The following TULP4 variants were observed in gnomAD, a reference collection of about 807,000 sequenced individuals.
TULP4 encodes TUB like protein 4.
A neutral mutation model predicts 129.0 loss-of-function variants in TULP4; 16 were observed. The observed-to-expected ratio is 0.12, with a 90% CI of 0.08 to 0.19. The LOEUF (loss-of-function observed/expected upper bound fraction) is 0.19. Ranked by LOEUF, TULP4 falls within the 10% of genes least tolerant of loss-of-function variation. TULP4 has a pLI of 1.00. For missense variants in TULP4, 1,842 were observed against 2,059.1 expected, an observed-to-expected ratio of 0.89 and a Z score of 2.04; for synonymous variants, 998 against 854.0, an observed-to-expected ratio of 1.17 and a Z score of -2.94.
upstream of TULP4, among the ~76,000 whole-genome samples, chr6:158,310,890 A>C (rs191856729): frequency 8.9e-4 from 136 of 152,322 alleles, no homozygotes; most frequent in African/African-American, 3.2e-3. Flanking sequence ...CCATGTACTC[A>C]AGGGCTGATA....
At chr6:158,460,492 G>A (rs889459055) in intron 5 of TULP4, among the ~76,000 whole-genome samples, 5 of 152,124 alleles carry the variant, frequency 3.3e-5, no homozygotes, top group Non-Finnish European at 7.4e-5. Flanking sequence ...AATACTAATG[G>A]CTTTTGTTTT....
chr6:158,310,820 AG>A (rs1249869105), upstream of TULP4, among the ~76,000 whole-genome samples: 1 of 152,238 alleles, frequency 6.6e-6, no homozygotes, highest in Non-Finnish European at 1.5e-5. Flanking sequence ...ATGGTGCTTC[AG>A]TAGTCCACAG....
chr6:158,269,093 A>C (rs1490234007), intron 1 of TULP4, among the ~76,000 whole-genome samples: 1 of 152,278 alleles, frequency 6.6e-6, no homozygotes, highest in East Asian at 1.9e-4. Flanking sequence ...TGGGTTTGCC[A>C]TTTATTATTT....
At chr6:158,467,946 G>A (rs1457423775) in intron 6 of TULP4, among the ~76,000 whole-genome samples, 1 of 152,188 alleles carries the variant, frequency 6.6e-6, no homozygotes, top group African/African-American at 2.4e-5. Context: ...TTATGTTGGG[G>A]CAGCAATCCT....
intron 1 of TULP4, among the ~76,000 whole-genome samples, chr6:158,352,374 T>C (rs1295780139): frequency 6.6e-6 from 1 of 152,226 alleles, no homozygotes; most frequent in East Asian, 1.9e-4. Context: ...TTTTAAATAT[T>C]ATCCATTTGT....
At chr6:158,505,842 T>C (rs1308780240) in intron 13 of TULP4, among the ~76,000 whole-genome samples, 1 of 152,184 alleles carries the variant, frequency 6.6e-6, no homozygotes, top group Non-Finnish European at 1.5e-5. Context: ...TCATTTGGCC[T>C]GTAGCATTCA....
chr6:158,423,120 A>G (rs1778388741), intron 2 of TULP4, among the ~76,000 whole-genome samples: 3 of 59,212 alleles, frequency 5.1e-5, no homozygotes, highest in South Asian at 5.6e-4. Context: ...TCCACAAAAA[A>G]GAGGGGGGGG....
At chr6:158,414,841 A>G (rs148509057) in intron 2 of TULP4, among the ~76,000 whole-genome samples, 2 of 152,286 alleles carry the variant, frequency 1.3e-5, no homozygotes, top group East Asian at 3.9e-4. Flanking sequence ...CATGCGTTAT[A>G]TCTTTCAGTC....
upstream of TULP4, among the ~76,000 whole-genome samples, chr6:158,279,316 A>G (rs528726996): frequency 6.6e-6 from 1 of 152,314 alleles, no homozygotes; most frequent in South Asian, 2.1e-4. Flanking sequence ...TATGCTTTCT[A>G]CCGTCTAGTT....
intron 1 of TULP4, chr6:158,242,828 A>T (rs1052194246): frequency 4.1e-6 from 1 of 243,604 alleles, no homozygotes; most frequent in Non-Finnish European, 8.1e-6. Context: ...ACTGTCGCCC[A>T]GGCTGGAGTG....
intron 1 of TULP4, chr6:158,242,904 G>C (rs1474549167): frequency 5.4e-6 from 1 of 183,754 alleles, no homozygotes; most frequent in African/African-American, 2.4e-5. Context: ...CCTTGCCCCA[G>C]CTTCCCAAGT....
At chr6:158,418,644 C>T (rs1447312056) in intron 2 of TULP4, among the ~76,000 whole-genome samples, 2 of 152,170 alleles carry the variant, frequency 1.3e-5, no homozygotes, top group Non-Finnish European at 2.9e-5. Flanking sequence ...TTTCACAACC[C>T]TGTAGTCCCA....
chr6:158,417,711 A>C (rs1241851368), intron 2 of TULP4, among the ~76,000 whole-genome samples: 1 of 152,220 alleles, frequency 6.6e-6, no homozygotes, highest in East Asian at 1.9e-4. Context: ...AGCTCAGAGA[A>C]AAAGACTACT....
rs762012537 is a variant in TULP4 at position 158,493,672 on chromosome 6, G to A, written c.1731G>A (p.Ser577=). 7 of 1,594,608 alleles carry A rather than the reference G, an allele frequency of 4.4e-6. No homozygotes were observed. The highest frequency in any genetic ancestry group is 4.1e-5 in the African/African-American group (3 of 73,698). The stretch of plus-strand genomic sequence containing the variant: ...CCCTGCGCAAGCCCTCTGTGGGCTC[G>A]CCCAGCCTGACTCGGAGAGAGTTTC... ...RLPLRKPSVG[S]PSLTRREFPF... Residue 577 remains serine (S), a synonymous_variant, in exon 10 of 14, where the codon TCG becomes TCA. Coordinates refer to ENST00000367097, the MANE Select transcript of TULP4 (RefSeq NM_020245.5). This position sits in a 1 kb window ranked among gnomAD's most constrained non-coding sequence, Gnocchi z 4.4.
intron 4 of TULP4, 27 bp downstream of exon 4, chr6:158,449,203 C>T (rs1779114460): frequency 6.3e-7 from 1 of 1,594,588 alleles, no homozygotes; most frequent in African/African-American, 1.3e-5. Context: ...CTTTCCTTGT[C>T]ACTGACCAGA....
intron 1 of TULP4, among the ~76,000 whole-genome samples, chr6:158,268,028 CTT>C (rs1369900655): frequency 1.8e-5 from 2 of 113,806 alleles, no homozygotes; most frequent in Non-Finnish European, 3.9e-5. Flanking sequence ...TTTTCTTTTT[CTT>C]TTTTCTTTTT....
At position 158,503,161 on chromosome 6, in the gene TULP4, G is replaced by C; in HGVS notation, c.3498G>C (p.Leu1166=). 1 of 1,613,452 alleles carries C rather than the reference G, an allele frequency of 6.2e-7. No individual in the cohort carries two copies. Residue 1166 remains leucine (L), a synonymous_variant, in exon 13 of 14, where the codon CTG becomes CTC. Coordinates refer to ENST00000367097, the MANE Select transcript of TULP4 (RefSeq NM_020245.5). This position sits in a 1 kb window ranked among gnomAD's most constrained non-coding sequence, Gnocchi z 4.3. ...GCCAGCACCTGGACGTGTCCCGACT[G>C]CCCTTCATCTCCCCCAAGTCTCCTG... ...SQGQHLDVSR[L]PFISPKSPAS...
At chr6:158,309,251 C>T (rs1244271929), upstream of TULP4, among the ~76,000 whole-genome samples, 21 of 129,768 alleles carry the variant, frequency 1.6e-4, no homozygotes, top group Admixed American at 2.3e-4. Flanking sequence ...ACCTCCCAGA[C>T]GGGGTCGCGG....
chr6:158,434,204 G>C (rs1778699598), intron 3 of TULP4, among the ~76,000 whole-genome samples: 1 of 152,114 alleles, frequency 6.6e-6, no homozygotes, highest in African/African-American at 2.4e-5. Flanking sequence ...CACATTTGGG[G>C]TTCAACACAT....
Sources: allele counts gnomAD v4.1 joint callset (sites outside exome capture counted in the v4.1 genomes callset), GRCh38; gene constraint gnomAD v4.1.1; non-coding constraint Gnocchi (gnomAD v3.1); transcripts MANE v1.5; gene names NCBI Gene and HGNC (gene_info 2026-07-23, HGNC 2026-07-21).